The following FAM171A1 variants were observed in gnomAD, a reference collection of about 807,000 sequenced individuals.
FAM171A1 encodes the protein family with sequence similarity 171 member A1.
A neutral mutation model predicts 74.9 loss-of-function variants in FAM171A1; 23 were observed. The ratio of observed to expected loss-of-function variants is 0.31; its 90% CI spans 0.22 to 0.44. The LOEUF (loss-of-function observed/expected upper bound fraction) is 0.44. Among genes scored for constraint, FAM171A1 ranks in the 20% least tolerant of loss-of-function variants. FAM171A1 has a pLI of 1.00. For missense variants in FAM171A1, 1,162 were observed against 1,159.2 expected, an observed-to-expected ratio of 1.00 and a Z score of -0.03; for synonymous variants, 527 against 505.7, an observed-to-expected ratio of 1.04 and a Z score of -0.57.
At chr10:15,296,700 C>G (rs1169775278) in intron 1 of FAM171A1, among the ~76,000 whole-genome samples, 1 of 150,868 alleles carries the variant, frequency 6.6e-6, no homozygotes, top group Non-Finnish European at 1.5e-5. Flanking sequence ...CACTATGGAT[C>G]TGCGGCCCCA....
chr10:15,355,284 A>T (rs1835919864), intron 1 of FAM171A1, among the ~76,000 whole-genome samples: 2 of 152,170 alleles, frequency 1.3e-5, no homozygotes, highest in Non-Finnish European at 2.9e-5. Context: ...TATGTTGCCC[A>T]GGCTGGTCTT....
At chr10:15,306,811 C>G (rs1044422547) in intron 1 of FAM171A1, among the ~76,000 whole-genome samples, 2 of 152,186 alleles carry the variant, frequency 1.3e-5, no homozygotes, top group Non-Finnish European at 2.9e-5. Flanking sequence ...GCAGCAGTTC[C>G]ATCCAGAATC....
intron 3 of FAM171A1, among the ~76,000 whole-genome samples, chr10:15,259,585 A>T (rs1289490969): frequency 6.6e-6 from 1 of 152,180 alleles, no homozygotes; most frequent in Non-Finnish European, 1.5e-5. Flanking sequence ...TAATATTTAC[A>T]ACAACCCTGT....
At chr10:15,348,385 G>A (rs778249924) in intron 1 of FAM171A1, among the ~76,000 whole-genome samples, 5 of 152,144 alleles carry the variant, frequency 3.3e-5, no homozygotes, top group African/African-American at 7.2e-5. Context: ...TGATCCTCCC[G>A]CCTCAGCCTC....
At chr10:15,314,104 C>T (rs1588548915) in intron 1 of FAM171A1, among the ~76,000 whole-genome samples, 1 of 152,176 alleles carries the variant, frequency 6.6e-6, no homozygotes, top group South Asian at 2.1e-4. Context: ...TAATGTGAAG[C>T]GTGACACGCC....
rs1242181790 is a variant in FAM171A1, at chr10:15,214,095, A to G, written c.1493T>C (p.Phe498Ser). 1.9e-6 allele frequency: 3 copies of G among 1,614,012 alleles called. No homozygotes were observed. The highest frequency in any genetic ancestry group is 2.5e-6 in the Non-Finnish European group (3 of 1,180,038). The change falls in exon 8 of 8, where the codon TTT becomes TCT. Residue 498 changes from phenylalanine to serine, a missense_variant. Transcript: ENST00000378116. The part of the protein sequence containing the change: ...SYNTVLSQPL[F>S]EKQDREGPAS... Reference sequence around the variant, plus strand: ...TGGACCTTCTCTGTCCTGCTTTTCAAATAAAGGCTGTGAGAGCACGGTGTT... The same window carrying G: ...TGGACCTTCTCTGTCCTGCTTTTCAGATAAAGGCTGTGAGAGCACGGTGTT...
At chr10:15,233,193 G>T (rs553205714) in intron 5 of FAM171A1, among the ~76,000 whole-genome samples, 2 of 152,270 alleles carry the variant, frequency 1.3e-5, no homozygotes, top group South Asian at 4.1e-4. Context: ...TACTCAGGAG[G>T]CTGAGGCAGG....
chr10:15,251,433 T>C (rs1162243437), intron 4 of FAM171A1, among the ~76,000 whole-genome samples: 1 of 151,362 alleles, frequency 6.6e-6, no homozygotes, highest in Non-Finnish European at 1.5e-5. Flanking sequence ...GACAGAGTCT[T>C]GCTCTGTCAC....
rs2131871198 is a variant in FAM171A1, at chr10:15,342,397, C to G, written c.97+28559G>C. On this transcript the variant is annotated intron_variant, in intron 1 of 7. Transcript: ENST00000378116. The stretch of plus-strand genomic sequence containing the variant: ...CCAGCCTGGCCAATATGGCGAAACC[C>G]TGTCTCTACTAAAAATAAAAAAATT... 2.0e-5 allele frequency among the ~76,000 whole-genome samples: 3 copies of G among 152,302 alleles called. 1 individual carries two copies.
intron 5 of FAM171A1, among the ~76,000 whole-genome samples, chr10:15,223,157 G>A (rs557766252): frequency 2.6e-5 from 4 of 152,264 alleles, no homozygotes; most frequent in African/African-American, 9.6e-5. Context: ...CTGGGCAACA[G>A]AGTGAGATGC....
chr10:15,252,580 C>T (rs1834523599), intron 4 of FAM171A1, among the ~76,000 whole-genome samples: 1 of 152,156 alleles, frequency 6.6e-6, no homozygotes, highest in Non-Finnish European at 1.5e-5. Flanking sequence ...TGGTGAGTTA[C>T]TGAGGTGTCT....
At chr10:15,307,965 G>C (rs1269019306) in intron 1 of FAM171A1, among the ~76,000 whole-genome samples, 4 of 151,786 alleles carry the variant, frequency 2.6e-5, no homozygotes, top group Non-Finnish European at 4.4e-5. Context: ...CACCATACTG[G>C]GCTCATTTTT....
intron 1 of FAM171A1, among the ~76,000 whole-genome samples, chr10:15,286,473 G>C (rs1835036698): frequency 6.6e-6 from 1 of 152,048 alleles, no homozygotes; most frequent in South Asian, 2.1e-4. Flanking sequence ...GTAGAGACAG[G>C]GTTTCACCAT....
intron 1 of FAM171A1, among the ~76,000 whole-genome samples, chr10:15,325,695 G>T (rs902247737): frequency 6.6e-6 from 1 of 152,086 alleles, no homozygotes; most frequent in African/African-American, 2.4e-5. Flanking sequence ...ATCCTGGCAT[G>T]GACATCCCAT....
Position 15,333,157 on chromosome 10 carries a change from T to C in FAM171A1, c.97+37799A>G, listed in dbSNP as rs193229949. 7.2e-5 allele frequency among the ~76,000 whole-genome samples: 11 copies of C among 152,324 alleles called. No homozygotes were observed. In the East Asian group the frequency reaches 2.1e-3, roughly 29 times the overall value. On this transcript the variant is annotated intron_variant, in intron 1 of 7. Coordinates refer to ENST00000378116, the MANE Select transcript of FAM171A1 (RefSeq NM_001010924.2). The stretch of plus-strand genomic sequence containing the variant: ...CAGAGTCCACTCAACATTTTCCTTC[T>C]GGGCTTCTAGCGTTTGGGTCCTGGG...
At chr10:15,290,428 G>A (rs1835089645) in intron 1 of FAM171A1, among the ~76,000 whole-genome samples, 1 of 152,154 alleles carries the variant, frequency 6.6e-6, no homozygotes, top group South Asian at 2.1e-4. Flanking sequence ...GCAGTAAGGT[G>A]GATTCAAGAA....
intron 1 of FAM171A1, among the ~76,000 whole-genome samples, chr10:15,332,880 T>C (rs563080354): frequency 6.6e-6 from 1 of 151,300 alleles, no homozygotes; most frequent in Non-Finnish European, 1.5e-5. Flanking sequence ...ATGGTATTTA[T>C]GATAATGAAG....
chr10:15,319,201 T>A (rs1429960116), intron 1 of FAM171A1, among the ~76,000 whole-genome samples: 1 of 152,188 alleles, frequency 6.6e-6, no homozygotes. Flanking sequence ...AACTGACTCA[T>A]GGGATGTCTA....
chr10:15,254,348 G>A (rs1038493034), intron 4 of FAM171A1, among the ~76,000 whole-genome samples: 2 of 152,190 alleles, frequency 1.3e-5, no homozygotes, highest in African/African-American at 4.8e-5. Context: ...ATGGGGGCTC[G>A]TGGGACGAGG....
Sources: allele counts gnomAD v4.1 joint callset (sites outside exome capture counted in the v4.1 genomes callset), GRCh38; gene constraint gnomAD v4.1.1; transcripts MANE v1.5; gene names NCBI Gene and HGNC (gene_info 2026-07-23, HGNC 2026-07-21).